Variants in DMD observed in about 807,000 individuals in gnomAD.
DMD encodes dystrophin, also known as mutant dystrophin.
In DMD, 63 loss-of-function variants were observed where a neutral mutation model predicts 330.1. The ratio of observed to expected loss-of-function variants is 0.19; its 90% CI spans 0.16 to 0.24. The LOEUF (loss-of-function observed/expected upper bound fraction) is 0.24, where lower values mean the gene tolerates loss of function less well. Ranked by LOEUF, DMD falls within the 10% of genes least tolerant of loss-of-function variation. The pLI, the probability that DMD is intolerant of heterozygous loss-of-function variation, is 1.00. For missense variants in DMD, 3,344 were observed against 2,684.1 expected (o/e 1.25, Z -5.43); for synonymous variants, 1,223 against 959.8 (o/e 1.27, Z -5.07).
intron 44 of DMD, among the ~76,000 whole-genome samples, chrX:32,106,207 T>G (rs2096563415): frequency 1.8e-5 from 2 of 111,764 alleles, no homozygotes; most frequent in South Asian, 7.4e-4. Flanking sequence ...AGTACATAAA[T>G]GATGTGTCTT....
At chrX:33,116,168 G>A (rs768233347) in intron 1 of DMD, among the ~76,000 whole-genome samples, 1 of 109,437 alleles carries the variant, frequency 9.1e-6, no homozygotes, top group Non-Finnish European at 1.9e-5. Context: ...ACTGCAGCCT[G>A]CGAGACAGAG....
intron 37 of DMD, among the ~76,000 whole-genome samples, chrX:32,355,785 G>T (rs1204587479): frequency 9.0e-6 from 1 of 110,734 alleles, no homozygotes; most frequent in African/African-American, 3.3e-5. Context: ...GAAGATATTA[G>T]TTGTAAATAT....
chrX:32,204,775 C>T (rs1273765742), intron 44 of DMD, among the ~76,000 whole-genome samples: 1 of 109,608 alleles, frequency 9.1e-6, no homozygotes, highest in East Asian at 2.9e-4. Context: ...TGGTGGAAGG[C>T]AAAGGGGAGA....
intron 9 of DMD, among the ~76,000 whole-genome samples, chrX:32,673,990 C>A (rs1389975975): frequency 9.0e-6 from 1 of 111,606 alleles, no homozygotes; most frequent in East Asian, 2.8e-4. Flanking sequence ...AAACCTAGGG[C>A]AAGCACCAGG....
chrX:32,038,693 G>A (rs1414925845), intron 44 of DMD, among the ~76,000 whole-genome samples: 2 of 108,922 alleles, frequency 1.8e-5, no homozygotes, highest in Non-Finnish European at 3.8e-5. Flanking sequence ...TTTGCATGAC[G>A]ACTTCAGGGA....
intron 48 of DMD, among the ~76,000 whole-genome samples, chrX:31,864,624 G>A (rs1235528687): frequency 2.8e-5 from 3 of 108,502 alleles, no homozygotes; most frequent in African/African-American, 6.8e-5. Context: ...CAGGTAGCTG[G>A]GACTACAGGT....
intron 7 of DMD, among the ~76,000 whole-genome samples, chrX:32,718,046 A>G (rs2065908490): frequency 9.0e-6 from 1 of 111,172 alleles, no homozygotes; most frequent in Non-Finnish European, 1.9e-5. Context: ...CTCAGATGAG[A>G]CTTTGGACTG....
rs73188276 is a variant in DMD at position 33,016,947 on chromosome X, T to A, written c.93+3192A>T. Among the ~76,000 whole-genome samples the A allele has an allele frequency of 7.5e-3, 844 of 112,043 alleles. 1 individual carries two copies. The highest frequency in any genetic ancestry group is 0.014 in the Middle Eastern group (3 of 219). ...AGGCTTTTTAAAGGATTATAACATA[T>A]CAATAAATTACATGGAAAGAATATT... On this transcript the variant is annotated intron_variant, in intron 2 of 78. Transcript: ENST00000357033.
chrX:33,217,461 CT>C (rs1303344348), intron 1 of DMD, among the ~76,000 whole-genome samples: 1 of 111,201 alleles, frequency 9.0e-6, no homozygotes, highest in Non-Finnish European at 1.9e-5. Context: ...ATTTCCTTAG[CT>C]TTTTAGTTTG....
chrX:31,177,976 A>G lies in DMD; in HGVS notation c.10224-6T>C. The G allele has an allele frequency of 8.3e-7, 1 of 1,205,804 alleles. No individual in the cohort carries two copies. The highest frequency in any genetic ancestry group is 1.1e-6 in the Non-Finnish European group (1 of 891,238). On this transcript the variant is annotated splice_polypyrimidine_tract_variant and splice_region_variant and intron_variant, in intron 70 of 78. Transcript: ENST00000357033. ...AGTTGATCAGAGTAACGGGACTGCA[A>G]AACAAAAAATGAGGTGGTGAAGGAG...
At chrX:32,759,537 ATTGT>A (rs2071955256) in intron 7 of DMD, among the ~76,000 whole-genome samples, 1 of 110,956 alleles carries the variant, frequency 9.0e-6, no homozygotes, top group Admixed American at 9.7e-5. Context: ...TTACTGCAAA[ATTGT>A]TTGCTTGTTC....
At chrX:32,792,404 TGAA>T (rs1470163581) in intron 7 of DMD, among the ~76,000 whole-genome samples, 2 of 110,057 alleles carry the variant, frequency 1.8e-5, no homozygotes, top group Non-Finnish European at 3.8e-5. Context: ...GGGAAAAAAA[TGAA>T]GAAAAAATAT....
chrX:31,722,322 T>C (rs111251836), intron 52 of DMD, among the ~76,000 whole-genome samples: 10 of 109,961 alleles, frequency 9.1e-5, no homozygotes, highest in African/African-American at 3.0e-4. Flanking sequence ...GGCTTCACCA[T>C]GTTAGCCAGG....
chrX:31,482,235 G>T (rs1186506258), intron 57 of DMD, among the ~76,000 whole-genome samples: 4 of 91,522 alleles, frequency 4.4e-5, no homozygotes, highest in Admixed American at 2.3e-4. Context: ...GTGTGTGTGT[G>T]TGGGGGGGGT....
At chrX:32,623,683 C>G (rs2058152065) in intron 11 of DMD, among the ~76,000 whole-genome samples, 1 of 109,838 alleles carries the variant, frequency 9.1e-6, no homozygotes, top group Non-Finnish European at 1.9e-5. Flanking sequence ...GCACCACCTT[C>G]CCTGGCAAAT....
chrX:32,655,507 TTGTTA>T (rs1675425124), intron 9 of DMD, among the ~76,000 whole-genome samples: 1 of 112,219 alleles, frequency 8.9e-6, no homozygotes, highest in African/African-American at 3.2e-5. Flanking sequence ...GAGAGACACT[TTGTTA>T]TAATTTCTGT....
chrX:32,568,102 A>T (rs768931866), intron 15 of DMD, among the ~76,000 whole-genome samples: 1 of 112,203 alleles, frequency 8.9e-6, no homozygotes, highest in Non-Finnish European at 1.9e-5. Context: ...TTGCAATAAA[A>T]ACCTATGAGT....
At chrX:31,824,004 G>A (rs548197531) in intron 49 of DMD, among the ~76,000 whole-genome samples, 3 of 112,294 alleles carry the variant, frequency 2.7e-5, no homozygotes, top group African/African-American at 6.5e-5. Flanking sequence ...CTAAATCAGA[G>A]AGCTATAACT....
intron 7 of DMD, among the ~76,000 whole-genome samples, chrX:32,720,595 G>A (rs1290253074): frequency 9.0e-6 from 1 of 111,203 alleles, no homozygotes; most frequent in African/African-American, 3.3e-5. Flanking sequence ...TGTTACAACT[G>A]TCAATTCTAC....
Sources: allele counts gnomAD v4.1 joint callset (sites outside exome capture counted in the v4.1 genomes callset), GRCh38; gene constraint gnomAD v4.1.1; transcripts MANE v1.5; gene names NCBI Gene and HGNC (gene_info 2026-07-23, HGNC 2026-07-21).